Variants in NEGR1 observed in about 807,000 individuals in gnomAD.
The protein encoded by NEGR1 is neuronal growth regulator 1, also known as IgLON family member 4.
In NEGR1, 10 loss-of-function variants were observed where a neutral mutation model predicts 40.9. The observed-to-expected ratio is 0.24, with a 90% CI of 0.15 to 0.42. NEGR1 has a LOEUF of 0.42. Ranked by LOEUF, NEGR1 falls within the 10% of genes least tolerant of loss-of-function variation. NEGR1 has a pLI of 1.00. For missense variants in NEGR1, 352 were observed against 438.9 expected, an observed-to-expected ratio of 0.80 and a Z score of 1.77; for synonymous variants, 185 against 166.8, an observed-to-expected ratio of 1.11 and a Z score of -0.84.
intron 1 of NEGR1, among the ~76,000 whole-genome samples, chr1:72,122,671 T>C (rs1649848242): frequency 6.6e-6 from 1 of 151,922 alleles, no homozygotes; most frequent in South Asian, 2.1e-4. Context: ...TATCAGCATG[T>C]CATAAAATGG....
intron 4 of NEGR1, among the ~76,000 whole-genome samples, chr1:71,688,620 C>A (rs972989699): frequency 6.6e-6 from 1 of 151,606 alleles, no homozygotes. Flanking sequence ...CCATGCCCAA[C>A]TAATTTTTGT....
chr1:71,706,591 CT>C (rs1191480414), intron 3 of NEGR1, among the ~76,000 whole-genome samples: 1 of 148,810 alleles, frequency 6.7e-6, no homozygotes, highest in Non-Finnish European at 1.5e-5. Context: ...AATACCCCTT[CT>C]TTCTGCTTGA....
chr1:71,459,127 C>T (rs868142690), intron 6 of NEGR1, among the ~76,000 whole-genome samples: 1 of 152,132 alleles, frequency 6.6e-6, no homozygotes, highest in African/African-American at 2.4e-5. Context: ...AAATTAAGTT[C>T]TCCCCTACCA....
At chr1:72,234,232 G>A (rs1654475466) in intron 1 of NEGR1, among the ~76,000 whole-genome samples, 2 of 151,966 alleles carry the variant, frequency 1.3e-5, no homozygotes, top group South Asian at 2.1e-4. Context: ...GAGAACATGG[G>A]GTATTTGGTT....
chr1:72,113,039 A>G (rs1166766828), intron 1 of NEGR1, among the ~76,000 whole-genome samples: 2 of 151,726 alleles, frequency 1.3e-5, no homozygotes, highest in East Asian at 3.9e-4. Context: ...ATTTAAATTT[A>G]TTTATTCTCC....
intron 6 of NEGR1, among the ~76,000 whole-genome samples, chr1:71,497,164 TAC>T (rs1440338316): frequency 1.3e-5 from 2 of 152,314 alleles, no homozygotes; most frequent in Non-Finnish European, 2.9e-5. Context: ...GCTAGTATTT[TAC>T]ATACTGGTAA....
At chr1:71,760,631 T>C (rs1423268878) in intron 3 of NEGR1, among the ~76,000 whole-genome samples, 5 of 152,174 alleles carry the variant, frequency 3.3e-5, no homozygotes, top group Admixed American at 1.3e-4. Context: ...ACTAGAACCA[T>C]AGTTTGTAAT....
At chr1:71,450,599 G>A (rs1265214332) in intron 6 of NEGR1, among the ~76,000 whole-genome samples, 1 of 151,054 alleles carries the variant, frequency 6.6e-6, no homozygotes, top group East Asian at 2.0e-4. Context: ...TTGAGGTCAG[G>A]AGTTTGAGAC....
In NEGR1 at chr1:71,629,340, C is replaced by G. The variant is rs562430658; in HGVS notation, c.668-18194G>C. On this transcript the variant is annotated intron_variant, in intron 4 of 6. Transcript: ENST00000357731. Reference sequence around the variant, plus strand: ...TTACTTTGGGCAATATGGCCATTTTCATGATATTGATTCTTCCTATCCATG... The same window carrying G: ...TTACTTTGGGCAATATGGCCATTTTGATGATATTGATTCTTCCTATCCATG... 1.1e-3 allele frequency among the ~76,000 whole-genome samples: 162 copies of G among 152,078 alleles called. 1 individual carries two copies. The highest frequency in any genetic ancestry group is 3.8e-3 in the African/African-American group (159 of 41,530).
At chr1:71,729,314 A>G (rs1301580608) in intron 3 of NEGR1, among the ~76,000 whole-genome samples, 1 of 152,152 alleles carries the variant, frequency 6.6e-6, no homozygotes, top group Non-Finnish European at 1.5e-5. Context: ...TCCTTGCCCT[A>G]TCATTCCCAA....
At chr1:72,180,298 T>C (rs1652317247) in intron 1 of NEGR1, among the ~76,000 whole-genome samples, 1 of 151,888 alleles carries the variant, frequency 6.6e-6, no homozygotes, top group African/African-American at 2.4e-5. Context: ...TCTTATATCA[T>C]GCACAAATAT....
At chr1:71,672,009 C>T (rs1652454331) in intron 4 of NEGR1, among the ~76,000 whole-genome samples, 1 of 151,020 alleles carries the variant, frequency 6.6e-6, no homozygotes, top group African/African-American at 2.4e-5. Flanking sequence ...GGTAGGATTA[C>T]AGGTGTGAGC....
chr1:71,613,889 T>G (rs1412177870), intron 4 of NEGR1, among the ~76,000 whole-genome samples: 2 of 152,108 alleles, frequency 1.3e-5, no homozygotes, highest in East Asian at 3.9e-4. Flanking sequence ...GGAAAGCAAT[T>G]AAAAAGTACA....
intron 2 of NEGR1, among the ~76,000 whole-genome samples, chr1:71,875,209 G>T (rs923570790): frequency 1.3e-5 from 2 of 152,044 alleles, no homozygotes; most frequent in African/African-American, 4.8e-5. Context: ...TAAATAAAAT[G>T]ATACACCTTT....
At position 72,085,968 on chromosome 1, in the gene NEGR1, C is replaced by CAA. The variant is rs36028456; in HGVS notation, c.177-150659_177-150658dup. ...CTGGCGACAGAGTGAGACTCTGTCT[C>CAA]AAAAAAAAAAAAAAAAAAAAAAGAG... On this transcript the variant is annotated intron_variant, in intron 1 of 6. Transcript: ENST00000357731. Among the ~76,000 whole-genome samples the CAA allele has an allele frequency of 1.3e-3, 80 of 62,980 alleles. 1 individual carries two copies. The highest frequency in any genetic ancestry group is 2.9e-3 in the African/African-American group (51 of 17,716). 41.3% of individuals were successfully genotyped at this position (62,980 alleles called of 152,430 possible). A position where few individuals can be genotyped will look rare whatever the true frequency, so the allele number is the denominator to read the frequency against.
chr1:71,604,099 T>A (rs144691295), intron 5 of NEGR1, among the ~76,000 whole-genome samples: 1 of 152,272 alleles, frequency 6.6e-6, no homozygotes, highest in African/African-American at 2.4e-5. Context: ...GTTTCATATC[T>A]CCCATGGTAT....
chr1:71,769,263 T>G (rs938498208), intron 3 of NEGR1, among the ~76,000 whole-genome samples: 1 of 152,172 alleles, frequency 6.6e-6, no homozygotes, highest in South Asian at 2.1e-4. Flanking sequence ...AGAAGCCTCA[T>G]GTATACTTGT....
intron 4 of NEGR1, among the ~76,000 whole-genome samples, chr1:71,689,664 T>G (rs1653184491): frequency 6.6e-6 from 1 of 152,026 alleles, no homozygotes; most frequent in African/African-American, 2.4e-5. Flanking sequence ...GGTGACTGAA[T>G]AAAATTCATT....
intron 2 of NEGR1, among the ~76,000 whole-genome samples, chr1:71,781,267 T>C (rs979416771): frequency 1.5e-4 from 23 of 152,246 alleles, no homozygotes; most frequent in African/African-American, 5.1e-4. Flanking sequence ...AGTTTTTATC[T>C]AAAAAAATCT....
Sources: gnomAD v4.1 joint callset for allele counts (sites outside exome capture counted in the v4.1 genomes callset) on GRCh38, gnomAD v4.1.1 for gene constraint, MANE v1.5 for transcripts, NCBI Gene and HGNC (gene_info 2026-07-23, HGNC 2026-07-21) for gene names.